The following FANCA variants were observed in gnomAD, a reference collection of about 807,000 sequenced individuals.
FANCA encodes the protein FA complementation group A, also known as Fanconi anemia group A protein.
A neutral mutation model predicts 194.3 loss-of-function variants in FANCA; 236 were observed. That is an observed-to-expected ratio of 1.21 (90% confidence interval 1.09 to 1.35). The LOEUF (loss-of-function observed/expected upper bound fraction) is 1.35, where lower values mean the gene tolerates loss of function less well. FANCA is among the 40% of genes most tolerant of loss of function. FANCA has a pLI of 0.00. For missense variants in FANCA, 2,628 were observed against 1,813.9 expected, an observed-to-expected ratio of 1.45 and a Z score of -8.15; for synonymous variants, 1,014 against 715.8, an observed-to-expected ratio of 1.42 and a Z score of -6.65.
Position 89,816,634 on chromosome 16 carries a change from C to G in FANCA, c.-19G>C. ...CGGACATGGCCTTGGCGCCTACAGC[C>G]CCGGCGGCGGCTCCCTGCGCCCGAG... On this transcript the variant is annotated 5_prime_UTR_variant, in exon 1 of 43. Transcript: ENST00000389301. 2 of 1,517,174 alleles carry G rather than the reference C, an allele frequency of 1.3e-6. No individual in the cohort carries two copies. The highest frequency in any genetic ancestry group is 2.6e-5 in the East Asian group (1 of 38,742). The allele number at this position is 1,517,174 out of a possible 1,614,324, so 94.0% of individuals were successfully genotyped here. A position where few individuals can be genotyped will look rare whatever the true frequency, so the allele number is the denominator to read the frequency against.
intron 36 of FANCA, among the ~76,000 whole-genome samples, chr16:89,744,535 G>C (rs1271232906): frequency 6.6e-6 from 1 of 152,108 alleles, no homozygotes; most frequent in Non-Finnish European, 1.5e-5. Flanking sequence ...CCAGCACGCG[G>C]TGCACTCTAG....
In FANCA at chr16:89,744,955, G is replaced by A. The variant is rs772166806; in HGVS notation, c.3626+4C>T. Reference sequence around the variant, plus strand: ...GCACACCCCATCTCACCACCCACACGTACTCGCTGGCAAACTGCCGGCCTT... The same window carrying A: ...GCACACCCCATCTCACCACCCACACATACTCGCTGGCAAACTGCCGGCCTT... On this transcript the variant is annotated splice_donor_region_variant and intron_variant, in intron 36 of 42. Coordinates refer to ENST00000389301, the MANE Select transcript of FANCA (RefSeq NM_000135.4). 76 of 1,611,118 alleles carry A rather than the reference G, an allele frequency of 4.7e-5. No homozygotes were observed. Among genetic ancestry groups the A allele is most frequent in the Non-Finnish European group, 5.2e-5 (61 of 1,179,518 alleles).
intron 2 of FANCA, among the ~76,000 whole-genome samples, chr16:89,815,545 C>G (rs1051307910): frequency 6.7e-6 from 1 of 148,966 alleles, no homozygotes; most frequent in East Asian, 2.0e-4. Context: ...CAGTAGAGAC[C>G]GGGTTTCACT....
At chr16:89,752,098 A>G in intron 31 of FANCA, 40 bp downstream of exon 31, 1 of 1,560,702 alleles carries the variant, frequency 6.4e-7, no homozygotes, top group East Asian at 2.2e-5. Flanking sequence ...CGCGGCTTAA[A>G]TGAAGTGAAT....
rs1319795682 is a variant in FANCA at position 89,816,535 on chromosome 16, A to G, written c.79+2T>C. 2.7e-6 allele frequency: 4 copies of G among 1,494,484 alleles called. No homozygotes were observed. The highest frequency in any genetic ancestry group is 3.5e-6 in the Non-Finnish European group (4 of 1,129,174). 92.6% of individuals were successfully genotyped at this position (1,494,484 alleles called of 1,614,324 possible). A position where few individuals can be genotyped will look rare whatever the true frequency, so the allele number is the denominator to read the frequency against. On this transcript the variant is annotated splice_donor_variant, in intron 1 of 42. Coordinates refer to ENST00000389301, the MANE Select transcript of FANCA (RefSeq NM_000135.4). LOFTEE classifies it high-confidence loss of function. Reference sequence around the variant, plus strand: ...CTCCCGCGGCCTGCCGCGCCCACCTACCCAGCAGCTCGGCCCAGGCCCTCC... The same window carrying G: ...CTCCCGCGGCCTGCCGCGCCCACCTGCCCAGCAGCTCGGCCCAGGCCCTCC...
intron 29 of FANCA, 77 bp from the exon 30 acceptor site, chr16:89,758,782 C>A: frequency 1.3e-6 from 2 of 1,594,182 alleles, no homozygotes; most frequent in Non-Finnish European, 1.7e-6. Flanking sequence ...GGAATAGGCC[C>A]ATAGTAAGGG....
intron 30 of FANCA, among the ~76,000 whole-genome samples, chr16:89,754,641 T>C (rs762146381): frequency 1.6e-4 from 24 of 152,114 alleles, no homozygotes; most frequent in Non-Finnish European, 3.1e-4. Context: ...AGTGCTGGGA[T>C]TACAGGCATG....
chr16:89,764,353 G>A (rs1424118041), intron 28 of FANCA, among the ~76,000 whole-genome samples: 1 of 152,160 alleles, frequency 6.6e-6, no homozygotes, highest in Non-Finnish European at 1.5e-5. Context: ...CATCCTGGCT[G>A]GAATAGAGTG....
At chr16:89,774,952 G>A (rs1033951597) in intron 21 of FANCA, among the ~76,000 whole-genome samples, 8 of 151,840 alleles carry the variant, frequency 5.3e-5, no homozygotes, top group African/African-American at 1.9e-4. Flanking sequence ...AAACTAGCAA[G>A]GCGTAGTAGT....
chr16:89,743,422 A>G (rs967082152), intron 36 of FANCA, among the ~76,000 whole-genome samples: 1 of 152,240 alleles, frequency 6.6e-6, no homozygotes, highest in Non-Finnish European at 1.5e-5. Context: ...GACTTTAAAT[A>G]AGCTGGGCAT....
intron 31 of FANCA, among the ~76,000 whole-genome samples, chr16:89,750,581 G>C (rs2038553887): frequency 6.6e-6 from 1 of 151,942 alleles, no homozygotes; most frequent in Non-Finnish European, 1.5e-5. Flanking sequence ...CTGAGGTCAG[G>C]AGTCCAAGAC....
chr16:89,787,156 C>T (rs1469330903), intron 14 of FANCA, among the ~76,000 whole-genome samples: 1 of 152,204 alleles, frequency 6.6e-6, no homozygotes, highest in Admixed American at 6.5e-5. Flanking sequence ...TGGCTGGGTG[C>T]AGTGGCTCAA....
intron 37 of FANCA, among the ~76,000 whole-genome samples, chr16:89,741,784 A>G (rs991844087): frequency 1.3e-5 from 2 of 152,108 alleles, no homozygotes; most frequent in Non-Finnish European, 2.9e-5. Flanking sequence ...TCTCACTGCA[A>G]GCTTATCTGG....
chr16:89,779,125 T>C (rs2143425903), intron 18 of FANCA, 122 bp from the exon 19 acceptor site: 2 of 890,874 alleles, frequency 2.2e-6, no homozygotes, highest in Non-Finnish European at 3.6e-6. Context: ...CGATGCATTA[T>C]GAAGTCTTCT....
intron 35 of FANCA, 98 bp downstream of exon 35, chr16:89,746,486 A>T: frequency 1.0e-6 from 1 of 954,238 alleles, no homozygotes; most frequent in Non-Finnish European, 1.7e-6. Context: ...TGAGATGGTA[A>T]CACCCGTGAT....
rs2143088350 is a variant in FANCA, at chr16:89,745,062, G to C, written c.3523C>G (p.Pro1175Ala). 6.2e-7 allele frequency: 1 copy of C among 1,605,138 alleles called. No homozygotes were observed. The highest frequency in any genetic ancestry group is 8.5e-7 in the Non-Finnish European group (1 of 1,178,518). The stretch of plus-strand genomic sequence containing the variant: ...CAGAGCAGCACAGGCTCCAGGCTCG[G>C]CCACCACACCTATGGAGAGAGCACC... Reference protein sequence around the residue: ...LILTSALVWWPSLEPVLLCRW... With the variant: ...LILTSALVWWASLEPVLLCRW... The change falls in exon 36 of 43, where the codon CCG (proline) becomes GCG (alanine). Residue 1175 changes from proline to alanine, a missense_variant. Physicochemically the swap from Pro to Ala is conservative, Grantham distance 27 (BLOSUM62 -1). Coordinates refer to ENST00000389301, the MANE Select transcript of FANCA (RefSeq NM_000135.4).
In FANCA at chr16:89,783,332, C is replaced by T. The variant is rs12929129; in HGVS notation, c.1471-230G>A. Among the ~76,000 whole-genome samples the T allele has an allele frequency of 0.45, 67,843 of 151,264 alleles. 17,160 individuals carry two copies. Among genetic ancestry groups the T allele is most frequent in the East Asian group, 0.76 (3,860 of 5,086 alleles). On this transcript the variant is annotated intron_variant, in intron 15 of 42. Coordinates refer to ENST00000389301, the MANE Select transcript of FANCA (RefSeq NM_000135.4). Reference sequence around the variant, plus strand: ...TTGGGAGGCTGAGGCGGGCAGATCACGAGGTCAGGAGATGGAGACCATCCT... The same window carrying T: ...TTGGGAGGCTGAGGCGGGCAGATCATGAGGTCAGGAGATGGAGACCATCCT...
chr16:89,783,765 C>G (rs530766704), intron 15 of FANCA, among the ~76,000 whole-genome samples: 3 of 152,024 alleles, frequency 2.0e-5, no homozygotes, highest in Admixed American at 2.0e-4. Context: ...GGGGACACAG[C>G]GTGTTTTTTT....
intron 26 of FANCA, 192 bp downstream of exon 26, chr16:89,769,645 C>A: frequency 1.5e-6 from 1 of 662,492 alleles, no homozygotes; most frequent in South Asian, 1.8e-5. Context: ...TTTTTATGAA[C>A]AAAGAAACAA....
Sources: allele counts gnomAD v4.1 joint callset (sites outside exome capture counted in the v4.1 genomes callset), GRCh38; gene constraint gnomAD v4.1.1; transcripts MANE v1.5; gene names NCBI Gene and HGNC (gene_info 2026-07-23, HGNC 2026-07-21).